RSRC1: variants seen among roughly 807,000 people sequenced by gnomAD.
RSRC1 encodes serine/Arginine-related protein 53.
Under a neutral mutation model 49.1 loss-of-function variants are expected in RSRC1, and 39 were observed. The observed-to-expected ratio is 0.79, with a 90% CI of 0.61 to 1.04. RSRC1 has a LOEUF of 1.04. Among genes scored for constraint, RSRC1 ranks in the 50% least tolerant of loss-of-function variants. RSRC1 has a pLI of 0.00. For synonymous variants in RSRC1, 143 were observed against 130.8 expected (o/e 1.09, Z -0.63); for missense variants, 388 against 402.4 (o/e 0.96, Z 0.31).
At chr3:158,423,169 G>C (rs1204807961) in intron 6 of RSRC1, among the ~76,000 whole-genome samples, 1 of 151,994 alleles carries the variant, frequency 6.6e-6, no homozygotes, top group Non-Finnish European at 1.5e-5. Flanking sequence ...TGTCCTGAAT[G>C]GTAATGCCTA....
At chr3:158,285,160 C>G (rs1044010773) in intron 4 of RSRC1, among the ~76,000 whole-genome samples, 1 of 152,110 alleles carries the variant, frequency 6.6e-6, no homozygotes, top group African/African-American at 2.4e-5. Context: ...AATCCTTTCC[C>G]CATTGCTTGT....
At chr3:158,426,470 G>A (rs1735449949) in intron 6 of RSRC1, among the ~76,000 whole-genome samples, 1 of 151,398 alleles carries the variant, frequency 6.6e-6, no homozygotes, top group Non-Finnish European at 1.5e-5. Context: ...AGCCTCTTTG[G>A]GAACCGCATG....
chr3:158,133,302 G>A (rs911079893), intron 3 of RSRC1, among the ~76,000 whole-genome samples: 9 of 151,348 alleles, frequency 5.9e-5, no homozygotes, highest in Non-Finnish European at 1.0e-4. Context: ...TCTTTATTTT[G>A]TCTTGTATCT....
chr3:158,224,380 T>C (rs1722400871), intron 4 of RSRC1, among the ~76,000 whole-genome samples: 1 of 151,870 alleles, frequency 6.6e-6, no homozygotes, highest in African/African-American at 2.4e-5. Flanking sequence ...CATGCATGAT[T>C]TTGTGCTTCT....
At chr3:158,384,529 A>G (rs1732865538) in intron 6 of RSRC1, among the ~76,000 whole-genome samples, 1 of 152,118 alleles carries the variant, frequency 6.6e-6, no homozygotes, top group Non-Finnish European at 1.5e-5. Context: ...TGGGCTATTA[A>G]TAAAGGTTTG....
chr3:158,223,384 A>G (rs1722330679), intron 4 of RSRC1, among the ~76,000 whole-genome samples: 5 of 151,700 alleles, frequency 3.3e-5, no homozygotes, highest in Admixed American at 2.6e-4. Context: ...TCAGGCTGAG[A>G]GGCAAAATCA....
At chr3:158,359,734 T>C (rs904384631) in intron 6 of RSRC1, among the ~76,000 whole-genome samples, 1 of 152,196 alleles carries the variant, frequency 6.6e-6, no homozygotes, top group Non-Finnish European at 1.5e-5. Flanking sequence ...GCCTGCAACA[T>C]GGTGAGCAAG....
At position 158,305,778 on chromosome 3, in the gene RSRC1, T is replaced by G. The variant is rs371300254; in HGVS notation, c.531+7703T>G. Among the ~76,000 whole-genome samples the G allele has an allele frequency of 6.1e-4, 93 of 152,210 alleles. 1 individual carries two copies. The South Asian group carries it at 0.018, about 30-fold the overall frequency. ...TTTTAACATACACAGCCTGTTTATT[T>G]TAGGAAGAGCACAGCACAAGGAGTC... On this transcript the variant is annotated intron_variant, in intron 5 of 9. Coordinates refer to ENST00000611884, the MANE Select transcript of RSRC1 (RefSeq NM_001271838.2).
At chr3:158,138,723 T>G (rs1006708358) in intron 3 of RSRC1, among the ~76,000 whole-genome samples, 5 of 152,244 alleles carry the variant, frequency 3.3e-5, no homozygotes, top group African/African-American at 9.6e-5. Flanking sequence ...TAATGTTTCC[T>G]ATATTCCATG....
At chr3:158,530,676 C>T (rs1385741626) in intron 7 of RSRC1, among the ~76,000 whole-genome samples, 1 of 151,682 alleles carries the variant, frequency 6.6e-6, no homozygotes. Context: ...CTATTACTAT[C>T]TCCATGCCAT....
chr3:158,300,613 C>G (rs913173927), intron 5 of RSRC1, among the ~76,000 whole-genome samples: 15 of 151,972 alleles, frequency 9.9e-5, no homozygotes, highest in Admixed American at 9.8e-4. Context: ...TTTGAATTGG[C>G]TGTATATCCA....
intron 4 of RSRC1, among the ~76,000 whole-genome samples, chr3:158,241,185 C>T (rs1016132459): frequency 2.0e-5 from 3 of 152,076 alleles, no homozygotes; most frequent in African/African-American, 4.8e-5. Flanking sequence ...CGGTGGCTCA[C>T]GCCGGTAATC....
At chr3:158,530,626 T>C (rs1244110097) in intron 7 of RSRC1, among the ~76,000 whole-genome samples, 1 of 151,580 alleles carries the variant, frequency 6.6e-6, no homozygotes, top group Non-Finnish European at 1.5e-5. Flanking sequence ...GGAGGGAAGA[T>C]GTGGGGGGGA....
At chr3:158,361,407 G>C (rs562533157) in intron 6 of RSRC1, among the ~76,000 whole-genome samples, 3 of 152,122 alleles carry the variant, frequency 2.0e-5, no homozygotes, top group Non-Finnish European at 4.4e-5. Context: ...GGGCCTTGGG[G>C]CGGGTCTCAA....
At chr3:158,321,294 CTCCTCTTCT>C (rs966821401) in intron 5 of RSRC1, among the ~76,000 whole-genome samples, 28 of 150,964 alleles carry the variant, frequency 1.9e-4, no homozygotes, top group South Asian at 6.3e-4. Context: ...CCTCCTCCTC[CTCCTCTTCT>C]TCCTCTTCTT....
intron 5 of RSRC1, among the ~76,000 whole-genome samples, chr3:158,319,644 C>G (rs1484560485): frequency 6.6e-6 from 1 of 152,114 alleles, no homozygotes; most frequent in South Asian, 2.1e-4. Context: ...GTTATTCTGT[C>G]TCAGGATTTT....
chr3:158,531,664 A>G (rs1201612265), intron 7 of RSRC1, among the ~76,000 whole-genome samples: 2 of 151,758 alleles, frequency 1.3e-5, no homozygotes, highest in East Asian at 1.9e-4. Context: ...TTATTTGTGT[A>G]TATCAGTTCT....
intron 3 of RSRC1, among the ~76,000 whole-genome samples, chr3:158,126,922 T>C (rs1715664182): frequency 6.6e-6 from 1 of 151,846 alleles, no homozygotes; most frequent in South Asian, 2.1e-4. Flanking sequence ...TTTTGTTTTT[T>C]GCTTTCAGCA....
At chr3:158,157,368 CGAG>C (rs1037675111) in intron 3 of RSRC1, among the ~76,000 whole-genome samples, 16 of 152,062 alleles carry the variant, frequency 1.1e-4, no homozygotes, top group African/African-American at 3.9e-4. Context: ...ACAACTGTAT[CGAG>C]GACTCACAGC....
Sources: gnomAD v4.1 joint callset for allele counts (sites outside exome capture counted in the v4.1 genomes callset) on GRCh38, gnomAD v4.1.1 for gene constraint, MANE v1.5 for transcripts, NCBI Gene and HGNC (gene_info 2026-07-23, HGNC 2026-07-21) for gene names.